The following TRAF3IP1 variants were observed in gnomAD, a reference collection of about 807,000 sequenced individuals.
TRAF3IP1 encodes TRAF3-interacting protein 1.
A neutral mutation model predicts 89.9 loss-of-function variants in TRAF3IP1; 53 were observed. The ratio of observed to expected loss-of-function variants is 0.59; its 90% CI spans 0.47 to 0.74. The LOEUF (loss-of-function observed/expected upper bound fraction) is 0.74. Ranked by LOEUF, TRAF3IP1 falls within the 30% of genes least tolerant of loss-of-function variation. The pLI is 0.00. For missense variants in TRAF3IP1, 806 were observed against 866.1 expected, an observed-to-expected ratio of 0.93 and a Z score of 0.87; for synonymous variants, 311 against 322.1, an observed-to-expected ratio of 0.97 and a Z score of 0.37.
At chr2:238,327,815 C>A (rs1346060107) in intron 3 of TRAF3IP1, among the ~76,000 whole-genome samples, 1 of 152,044 alleles carries the variant, frequency 6.6e-6, no homozygotes, top group East Asian at 1.9e-4. Context: ...CTAGGGACCT[C>A]GGATAAGTGG....
intron 2 of TRAF3IP1, 114 bp from the exon 3 acceptor site, chr2:238,325,695 T>C: frequency 9.2e-7 from 1 of 1,090,756 alleles, no homozygotes; most frequent in African/African-American, 1.6e-5. Context: ...GTTATATATC[T>C]AAAAACAGCT....
intron 15 of TRAF3IP1, among the ~76,000 whole-genome samples, chr2:238,372,864 G>T (rs1168329310): frequency 6.6e-5 from 10 of 152,154 alleles, no homozygotes; most frequent in Non-Finnish European, 1.5e-4. Context: ...GTTTTGATTT[G>T]CATTTTTCTG....
At chr2:238,355,616 G>A (rs1461793436) in intron 14 of TRAF3IP1, among the ~76,000 whole-genome samples, 1 of 152,214 alleles carries the variant, frequency 6.6e-6, no homozygotes, top group African/African-American at 2.4e-5. Flanking sequence ...TGAAAGAAGT[G>A]GAATAGTCTT....
At chr2:238,321,753 C>G (rs1254971445) in intron 1 of TRAF3IP1, among the ~76,000 whole-genome samples, 1 of 152,176 alleles carries the variant, frequency 6.6e-6, no homozygotes, top group Non-Finnish European at 1.5e-5. Flanking sequence ...CCCAAGGGCA[C>G]GTGGGAACTC....
chr2:238,360,374 C>T (rs1699605700), intron 15 of TRAF3IP1, among the ~76,000 whole-genome samples: 1 of 152,128 alleles, frequency 6.6e-6, no homozygotes, highest in South Asian at 2.1e-4. Flanking sequence ...CACCTGTAAT[C>T]CCAGCCCTCT....
intron 15 of TRAF3IP1, among the ~76,000 whole-genome samples, chr2:238,396,987 C>T (rs888950841): frequency 3.9e-5 from 6 of 152,186 alleles, no homozygotes; most frequent in African/African-American, 1.4e-4. Context: ...TTTCCCCTTG[C>T]CCCCTGGCAA....
chr2:238,396,876 GTGCTGCTGGCTGCTGCTGGC>G (rs542262809), intron 15 of TRAF3IP1, among the ~76,000 whole-genome samples: 1 of 152,128 alleles, frequency 6.6e-6, no homozygotes, highest in South Asian at 2.1e-4. Context: ...TGCCTGCTGG[GTGCTGCTGGCTGCTGCTGGC>G]TGCTGCTGGC....
chr2:238,376,383 C>A (rs777538576), intron 15 of TRAF3IP1, among the ~76,000 whole-genome samples: 19 of 152,178 alleles, frequency 1.2e-4, no homozygotes, highest in Non-Finnish European at 2.1e-4. Flanking sequence ...ACTGATACCA[C>A]CCTGCTGTAA....
Position 238,320,720 on chromosome 2 carries a change from C to A in TRAF3IP1, c.58C>A (p.Pro20Thr), listed in dbSNP as rs1211258129. The change falls in exon 1 of 17, where the codon CCG (proline) becomes ACG (threonine). Residue 20 changes from proline (P) to threonine (T), a missense_variant. Transcript: ENST00000373327. Reference protein sequence around the residue: ...QEALGKVIRRPPLTEKLLSKP... With the variant: ...QEALGKVIRRTPLTEKLLSKP... ...GGCGCTGGGGAAAGTGATTCGGAGG[C>A]CGCCGCTGACCGAGAAGCTGCTGAG... The A allele has an allele frequency of 6.9e-7, 1 of 1,449,572 alleles. No individual in the cohort carries two copies. 89.8% of individuals were successfully genotyped at this position (1,449,572 alleles called of 1,614,324 possible). A position where few individuals can be genotyped will look rare whatever the true frequency, so the allele number is the denominator to read the frequency against.
intron 15 of TRAF3IP1, among the ~76,000 whole-genome samples, chr2:238,365,877 A>T (rs1699852361): frequency 6.6e-6 from 1 of 152,170 alleles, no homozygotes; most frequent in African/African-American, 2.4e-5. Context: ...CTCTGAATGC[A>T]GTATCTTACA....
At position 238,325,686 on chromosome 2, in the gene TRAF3IP1, T is replaced by C. The variant is rs982303012; in HGVS notation, c.193-123T>C. 9.2e-6 allele frequency: 9 copies of C among 974,818 alleles called. No homozygotes were observed. In the African/African-American group the frequency reaches 1.5e-4, roughly 16 times the overall value. 60.4% of individuals were successfully genotyped at this position (974,818 alleles called of 1,614,324 possible). On this transcript the variant is annotated intron_variant, in intron 2 of 16. Coordinates refer to ENST00000373327, the MANE Select transcript of TRAF3IP1 (RefSeq NM_015650.4). ...TAAAAGGTCAGTATTTCTAGATTTGTTATATATCTAAAAACAGCTTTGTAT... is the reference window on the plus strand; with the variant it reads ...TAAAAGGTCAGTATTTCTAGATTTGCTATATATCTAAAAACAGCTTTGTAT...
intron 15 of TRAF3IP1, among the ~76,000 whole-genome samples, chr2:238,369,482 T>C (rs1485976527): frequency 6.6e-6 from 1 of 152,230 alleles, no homozygotes; most frequent in East Asian, 1.9e-4. Context: ...CAGTCTGTGC[T>C]CTTCCCTTGA....
intron 14 of TRAF3IP1, among the ~76,000 whole-genome samples, chr2:238,354,675 G>T (rs1699327499): frequency 6.6e-6 from 1 of 151,916 alleles, no homozygotes; most frequent in South Asian, 2.1e-4. Context: ...TTTTGACATG[G>T]AGTCTCGCCC....
chr2:238,363,650 C>G (rs1178427755), intron 15 of TRAF3IP1, among the ~76,000 whole-genome samples: 2 of 152,116 alleles, frequency 1.3e-5, no homozygotes, highest in Non-Finnish European at 2.9e-5. Context: ...GTTGATTTCA[C>G]AGAGAGGCAA....
chr2:238,379,714 A>G lies in TRAF3IP1; in HGVS notation c.1690-17745A>G, dbSNP rs569898. On this transcript the variant is annotated intron_variant, in intron 15 of 16. Coordinates refer to ENST00000373327, the MANE Select transcript of TRAF3IP1 (RefSeq NM_015650.4). The surrounding 1 kb of genome is among the most constrained non-coding windows in gnomAD (Gnocchi z 4.0). ...GTGGGTCTCTTGTTGCCCAGTAACT[A>G]CCTTTTATAGCTGGTATTTTTGGAG... Among the ~76,000 whole-genome samples the G allele has an allele frequency of 0.73, 111,145 of 152,074 alleles. 40,859 individuals carry two copies. The highest frequency in any genetic ancestry group is 0.79 in the Middle Eastern group (231 of 294).
In TRAF3IP1 at chr2:238,331,299, TAAAAAAAA is replaced by T. The variant is rs61126298; in HGVS notation, c.916-1512_916-1505del. Among the ~76,000 whole-genome samples the T allele has an allele frequency of 1.1e-4, 13 of 120,038 alleles. No individual in the cohort carries two copies. The East Asian group carries it at 3.2e-3, about 29-fold the overall frequency. The allele number at this position is 120,038 out of a possible 152,430, so 78.7% of individuals were successfully genotyped here. On this transcript the variant is annotated intron_variant, in intron 5 of 16. Transcript: ENST00000373327. ...CACGGTGATGAAACCCCATCTCTAC[TAAAAAAAA>T]AAAAAAAAAAAATACAAAAATTAGC...
intron 1 of TRAF3IP1, among the ~76,000 whole-genome samples, chr2:238,322,055 A>T (rs912364119): frequency 6.6e-6 from 1 of 152,236 alleles, no homozygotes; most frequent in Non-Finnish European, 1.5e-5. Context: ...CTGGTGCAGC[A>T]CTTACAGCCT....
chr2:238,366,510 T>C (rs1699882751), intron 15 of TRAF3IP1, among the ~76,000 whole-genome samples: 1 of 152,226 alleles, frequency 6.6e-6, no homozygotes, highest in South Asian at 2.1e-4. Context: ...TTAGCTGTAT[T>C]GTCACAAACA....
chr2:238,376,006 CTCTT>C lies in TRAF3IP1; in HGVS notation c.1689+19930_1689+19933del, dbSNP rs747701213. On this transcript the variant is annotated intron_variant, in intron 15 of 16. Transcript: ENST00000373327. ...ATATGAAAGTTCCATATGCGTGGAA[CTCTT>C]TCTGTGTTCTCTGCCCCAGAGGTTA... is the stretch of plus-strand genomic sequence containing the variant. Among the ~76,000 whole-genome samples the C allele has an allele frequency of 2.9e-4, 44 of 152,142 alleles. 2 individuals carry two copies. Among genetic ancestry groups the C allele is most frequent in the Non-Finnish European group, 8.8e-5 (6 of 68,038 alleles).
Sources: allele counts gnomAD v4.1 joint callset (sites outside exome capture counted in the v4.1 genomes callset), GRCh38; gene constraint gnomAD v4.1.1; non-coding constraint Gnocchi (gnomAD v3.1); transcripts MANE v1.5; gene names NCBI Gene and HGNC (gene_info 2026-07-23, HGNC 2026-07-21).